Variants in ABI3BP observed in about 807,000 individuals in gnomAD.
The protein encoded by ABI3BP is target of Nesh-SH3.
Under a neutral mutation model 268.6 loss-of-function variants are expected in ABI3BP, and 216 were observed. The observed-to-expected ratio is 0.80, with a 90% CI of 0.72 to 0.90. ABI3BP has a LOEUF of 0.90. ABI3BP is among the 40% of genes least tolerant of loss of function. The pLI, the probability that ABI3BP is intolerant of heterozygous loss-of-function variation, is 0.00. For synonymous variants in ABI3BP, 730 were observed against 730.0 expected, an observed-to-expected ratio of 1.00 and a Z score of 0.00; for missense variants, 2,090 against 2,182.4, an observed-to-expected ratio of 0.96 and a Z score of 0.84.
chr3:100,847,941 G>A (rs553826479), intron 18 of ABI3BP, among the ~76,000 whole-genome samples: 1 of 152,244 alleles, frequency 6.6e-6, no homozygotes, highest in African/African-American at 2.4e-5. Context: ...TTGACCTCCA[G>A]GTTAATAAGC....
rs140974581 is a variant in ABI3BP, at chr3:100,921,274, T to C, written c.259+5028A>G. 3.9e-5 allele frequency among the ~76,000 whole-genome samples: 6 copies of C among 152,350 alleles called. No homozygotes were observed. The East Asian group carries it at 1.2e-3, about 29-fold the overall frequency. ...ACTTAAGCCTTTTCTGCAGTAAGGA[T>C]ACTAAAGCAATTCTTCAACGTGCAC... On this transcript the variant is annotated intron_variant, in intron 2 of 67. Transcript: ENST00000471714.
At chr3:100,761,717 C>T (rs2095960338) in intron 63 of ABI3BP, among the ~76,000 whole-genome samples, 1 of 152,138 alleles carries the variant, frequency 6.6e-6, no homozygotes, top group African/African-American at 2.4e-5. Flanking sequence ...CTAACAAAAG[C>T]ACTCTATAGA....
At chr3:100,755,103 C>T (rs2095546672) in intron 63 of ABI3BP, among the ~76,000 whole-genome samples, 1 of 152,150 alleles carries the variant, frequency 6.6e-6, no homozygotes, top group Admixed American at 6.5e-5. Flanking sequence ...TTATCCCAAC[C>T]CTGAGTATAA....
intron 63 of ABI3BP, among the ~76,000 whole-genome samples, chr3:100,763,163 G>C (rs1576851585): frequency 1.3e-5 from 2 of 152,106 alleles, no homozygotes; most frequent in Admixed American, 6.5e-5. Context: ...TTTTCCCAAA[G>C]CTAAATCTAG....
At chr3:100,840,912 A>G in intron 21 of ABI3BP, 54 bp from the exon 22 acceptor site, 9 of 1,408,402 alleles carry the variant, frequency 6.4e-6, no homozygotes, top group Non-Finnish European at 8.7e-6. Context: ...AGGAAAAATG[A>G]CATGTATTTA....
rs1258917209 is a variant in ABI3BP, at chr3:100,792,749, G to A, written c.3966C>T (p.Thr1322=). The A allele has an allele frequency of 6.2e-7, 1 of 1,611,260 alleles. No homozygotes were observed. The highest frequency in any genetic ancestry group is 8.5e-7 in the Non-Finnish European group (1 of 1,178,228). Residue 1322 remains threonine, a synonymous_variant, in exon 55 of 68, where the codon ACC becomes ACT. Transcript: ENST00000471714. ...QTTLEETDQS[T]QEPFTTKIPR... ...GAATCTTAGTTGTGAAAGGTTCTTG[G>A]GTGGATTGGTCTGTTTCTTCTAGAG...
chr3:100,783,963 C>G (rs1395809444), intron 57 of ABI3BP, among the ~76,000 whole-genome samples: 1 of 152,208 alleles, frequency 6.6e-6, no homozygotes, highest in Non-Finnish European at 1.5e-5. Context: ...TGGGACACGT[C>G]TCTGGAAACC....
intron 1 of ABI3BP, among the ~76,000 whole-genome samples, chr3:100,968,765 G>A (rs1451979115): frequency 1.3e-5 from 2 of 151,914 alleles, no homozygotes; most frequent in East Asian, 1.9e-4. Context: ...AGGTATACAC[G>A]TGCTATGGTG....
rs1169330703 is a variant in ABI3BP at position 100,847,786 on chromosome 3, T to C, written c.1577-113A>G. On this transcript the variant is annotated intron_variant, in intron 18 of 67. Transcript: ENST00000471714. The stretch of plus-strand genomic sequence containing the variant: ...ATCCTGCCATATTTAGTAGTCAAAG[T>C]ATACAATGAGTAAAAGTTTTGAGGA... The C allele has an allele frequency of 7.1e-6, 6 of 840,312 alleles. No homozygotes were observed. In the Admixed American group the frequency reaches 8.1e-5, roughly 11 times the overall value. The allele number at this position is 840,312 out of a possible 1,614,324, so 52.1% of individuals were successfully genotyped here. A position where few individuals can be genotyped will look rare whatever the true frequency, so the allele number is the denominator to read the frequency against.
chr3:100,976,262 T>C (rs369927658), intron 1 of ABI3BP, among the ~76,000 whole-genome samples: 43 of 152,282 alleles, frequency 2.8e-4, no homozygotes, highest in African/African-American at 1.0e-3. Flanking sequence ...TAGAAAAATT[T>C]TCTCACCCTT....
chr3:100,835,412 C>T (rs2098558452), intron 28 of ABI3BP, among the ~76,000 whole-genome samples, 189 bp downstream of exon 28: 1 of 152,034 alleles, frequency 6.6e-6, no homozygotes, highest in African/African-American at 2.4e-5. Context: ...TCACTAGTGG[C>T]GTATGGGCTT....
intron 49 of ABI3BP, among the ~76,000 whole-genome samples, chr3:100,809,022 A>G (rs561534836): frequency 2.2e-4 from 33 of 152,220 alleles, no homozygotes; most frequent in Non-Finnish European, 3.7e-4. Context: ...CTTGCTGAAA[A>G]TAAGAGTTAT....
At chr3:100,920,895 C>T (rs1221865788) in intron 2 of ABI3BP, among the ~76,000 whole-genome samples, 1 of 152,172 alleles carries the variant, frequency 6.6e-6, no homozygotes, top group Admixed American at 6.5e-5. Flanking sequence ...CAAAAGTAAA[C>T]AGGTATTCTT....
intron 1 of ABI3BP, among the ~76,000 whole-genome samples, chr3:100,976,375 G>A (rs577401680): frequency 2.8e-4 from 43 of 152,110 alleles, no homozygotes; most frequent in African/African-American, 7.7e-4. Flanking sequence ...CAGAGAAGGC[G>A]CCCTGTTCAA....
At chr3:100,829,782 T>G in intron 32 of ABI3BP, 118 bp from the exon 33 acceptor site, 2 of 757,914 alleles carry the variant, frequency 2.6e-6, no homozygotes, top group Non-Finnish European at 4.3e-6. Flanking sequence ...TTTGAAATAT[T>G]TGCCCCTATT....
At chr3:100,890,842 T>C (rs148837167) in intron 4 of ABI3BP, among the ~76,000 whole-genome samples, 4 of 152,162 alleles carry the variant, frequency 2.6e-5, no homozygotes, top group African/African-American at 9.7e-5. Context: ...TCTCCCCTCA[T>C]GTCCAATCAG....
intron 62 of ABI3BP, among the ~76,000 whole-genome samples, chr3:100,767,452 CAGCT>C (rs1390539676): frequency 6.6e-6 from 1 of 152,100 alleles, no homozygotes; most frequent in African/African-American, 2.4e-5. Context: ...AACTATCTCT[CAGCT>C]GGCTCTCCGA....
chr3:100,926,247 C>A, intron 2 of ABI3BP, 55 bp downstream of exon 2: 1 of 1,563,836 alleles, frequency 6.4e-7, no homozygotes, highest in South Asian at 1.1e-5. Context: ...GGTCATGTTA[C>A]ACCCCCCCAC....
intron 43 of ABI3BP, 24 bp from the exon 44 acceptor site, chr3:100,815,995 T>C (rs2098028762): frequency 1.4e-6 from 2 of 1,479,470 alleles, no homozygotes; most frequent in African/African-American, 1.4e-5. Context: ...ACAACATGAA[T>C]ACAAGAAAGC....
Sources: gnomAD v4.1 joint callset for allele counts (sites outside exome capture counted in the v4.1 genomes callset) on GRCh38, gnomAD v4.1.1 for gene constraint, MANE v1.5 for transcripts, NCBI Gene and HGNC (gene_info 2026-07-23, HGNC 2026-07-21) for gene names.